Variants in SLC25A13 observed in about 807,000 individuals in gnomAD.
SLC25A13 encodes electrogenic aspartate/glutamate antiporter SLC25A13, mitochondrial.
SLC25A13 carries 70 observed loss-of-function variants against 85.5 expected under a neutral mutation model. The observed-to-expected ratio is 0.82, with a 90% CI of 0.68 to 1.00. The LOEUF (loss-of-function observed/expected upper bound fraction) is 1.00. Among genes scored for constraint, SLC25A13 ranks in the 50% least tolerant of loss-of-function variants. SLC25A13 has a pLI of 0.00. For synonymous variants in SLC25A13, 259 were observed against 288.7 expected, an observed-to-expected ratio of 0.90 and a Z score of 1.04; for missense variants, 765 against 819.8, an observed-to-expected ratio of 0.93 and a Z score of 0.82.
chr7:96,234,967 A>G (rs1796691307), intron 3 of SLC25A13, 50 bp from the exon 4 acceptor site: 1 of 1,379,922 alleles, frequency 7.2e-7, no homozygotes, highest in Non-Finnish European at 1.0e-6. Context: ...TGTGGAAAAC[A>G]GAAGCATATA....
intron 1 of SLC25A13, among the ~76,000 whole-genome samples, chr7:96,298,809 T>C (rs1799448092): frequency 6.6e-6 from 1 of 152,210 alleles, no homozygotes; most frequent in Non-Finnish European, 1.5e-5. Flanking sequence ...GAAAATGTAC[T>C]GCTAGTTAAC....
intron 2 of SLC25A13, among the ~76,000 whole-genome samples, chr7:96,293,946 T>G (rs900824582): frequency 2.6e-5 from 4 of 152,158 alleles, no homozygotes; most frequent in African/African-American, 9.7e-5. Flanking sequence ...ACCCAAAGGA[T>G]TATAAATCAC....
rs746535755 is a variant in SLC25A13, at chr7:96,121,977, C to A, written c.1612G>T (p.Val538Leu). 17 of 1,614,130 alleles carry A rather than the reference C, an allele frequency of 1.1e-5. No homozygotes were observed. In the South Asian group the frequency reaches 1.9e-4, roughly 18 times the overall value. ...GTCTTGATAACATCAGCAGGGGTCA[C>A]TAAAGATGCTGCAGGCATACCTGCA... ...AIAGMPAASLVTPADVIKTRL... is the reference protein window; with the variant it reads ...AIAGMPAASLLTPADVIKTRL... The change falls in exon 16 of 18, where the codon GTG becomes TTG. Residue 538 changes from valine (V) to leucine (L), a missense_variant. Physicochemically the swap from Val to Leu is conservative, Grantham distance 32. Transcript: ENST00000265631.
intron 3 of SLC25A13, among the ~76,000 whole-genome samples, chr7:96,260,885 C>T (rs967280805): frequency 2.6e-5 from 4 of 152,156 alleles, no homozygotes; most frequent in African/African-American, 7.2e-5. Flanking sequence ...AAATGTAATG[C>T]AGATCATGCT....
At chr7:96,127,115 A>C (rs1310788582) in intron 15 of SLC25A13, among the ~76,000 whole-genome samples, 1 of 152,206 alleles carries the variant, frequency 6.6e-6, no homozygotes, top group South Asian at 2.1e-4. Flanking sequence ...TTGTTCCTCT[A>C]TCTTATCACT....
At chr7:96,271,849 G>T (rs1159990718) in intron 3 of SLC25A13, among the ~76,000 whole-genome samples, 1 of 151,748 alleles carries the variant, frequency 6.6e-6, no homozygotes, top group East Asian at 1.9e-4. Context: ...ACATCAGAAG[G>T]TATTCCAATT....
At chr7:96,161,493 AT>A (rs766872012) in intron 13 of SLC25A13, among the ~76,000 whole-genome samples, 5 of 151,784 alleles carry the variant, frequency 3.3e-5, no homozygotes, top group African/African-American at 9.7e-5. Context: ...CATTCAACAG[AT>A]TTTTTTTTAA....
intron 2 of SLC25A13, among the ~76,000 whole-genome samples, chr7:96,294,861 A>C (rs1370074005): frequency 6.6e-6 from 1 of 152,026 alleles, no homozygotes; most frequent in Non-Finnish European, 1.5e-5. Context: ...ATCTCCTTAC[A>C]AATGTGTCCT....
At chr7:96,296,771 G>T in intron 2 of SLC25A13, 127 bp downstream of exon 2, 2 of 937,454 alleles carry the variant, frequency 2.1e-6, no homozygotes, top group East Asian at 2.7e-5. Flanking sequence ...ATGAGCCACC[G>T]TGCCGGGCTG....
At chr7:96,229,469 G>A (rs1177525127) in intron 4 of SLC25A13, among the ~76,000 whole-genome samples, 1 of 152,150 alleles carries the variant, frequency 6.6e-6, no homozygotes, top group African/African-American at 2.4e-5. Flanking sequence ...AAAGCAGGCT[G>A]CCCGAACCAG....
chr7:96,199,104 C>T (rs191242107), intron 5 of SLC25A13, among the ~76,000 whole-genome samples: 53 of 152,270 alleles, frequency 3.5e-4, no homozygotes, highest in Admixed American at 7.9e-4. Flanking sequence ...CTCTTTGAAT[C>T]CTCTCCACAA....
intron 5 of SLC25A13, among the ~76,000 whole-genome samples, chr7:96,200,311 A>G (rs1023867543): frequency 3.3e-5 from 5 of 151,614 alleles, no homozygotes; most frequent in African/African-American, 9.7e-5. Flanking sequence ...AAAAAATACC[A>G]TATCACATTT....
chr7:96,186,194 C>A (rs999749245), intron 9 of SLC25A13, among the ~76,000 whole-genome samples: 3 of 152,198 alleles, frequency 2.0e-5, no homozygotes, highest in East Asian at 1.9e-4. Context: ...CTTTGGGAGG[C>A]CGAGGTGGGT....
At chr7:96,122,048 A>G (rs1439925189) in intron 15 of SLC25A13, 51 bp from the exon 16 acceptor site, 1 of 1,609,938 alleles carries the variant, frequency 6.2e-7, no homozygotes, top group Non-Finnish European at 8.5e-7. Context: ...CTCACTATAT[A>G]AAAATAACTG....
At chr7:96,307,641 T>C (rs1433024331) in intron 1 of SLC25A13, among the ~76,000 whole-genome samples, 3 of 151,830 alleles carry the variant, frequency 2.0e-5, no homozygotes, top group East Asian at 1.9e-4. Context: ...ATTGAGGACA[T>C]AAATTGATGA....
chr7:96,276,397 G>T (rs568748000), intron 3 of SLC25A13, among the ~76,000 whole-genome samples: 1 of 152,130 alleles, frequency 6.6e-6, no homozygotes, highest in African/African-American at 2.4e-5. Flanking sequence ...AGAGGCAAGC[G>T]GATGGCTTGA....
At chr7:96,314,612 C>A (rs375983206) in intron 1 of SLC25A13, among the ~76,000 whole-genome samples, 65 of 152,020 alleles carry the variant, frequency 4.3e-4, no homozygotes, top group African/African-American at 1.5e-3. Context: ...GCAGCAAATG[C>A]CAACCAGAGA....
chr7:96,211,739 T>C (rs1161706608), intron 4 of SLC25A13, among the ~76,000 whole-genome samples: 1 of 152,180 alleles, frequency 6.6e-6, no homozygotes, highest in Non-Finnish European at 1.5e-5. Flanking sequence ...TATTAACCCT[T>C]TGGGGCACTA....
intron 15 of SLC25A13, among the ~76,000 whole-genome samples, chr7:96,131,499 A>G (rs1256869339): frequency 6.6e-6 from 1 of 152,236 alleles, no homozygotes; most frequent in African/African-American, 2.4e-5. Context: ...ACAATACCAC[A>G]AAATAAGCCA....
Sources: gnomAD v4.1 joint callset for allele counts (sites outside exome capture counted in the v4.1 genomes callset) on GRCh38, gnomAD v4.1.1 for gene constraint, MANE v1.5 for transcripts, NCBI Gene and HGNC (gene_info 2026-07-23, HGNC 2026-07-21) for gene names.